LMNTD1: variants seen among roughly 807,000 people sequenced by gnomAD.
LMNTD1 encodes lamin tail domain containing 1.
LMNTD1 carries 35 observed loss-of-function variants against 50.9 expected under a neutral mutation model. The observed-to-expected ratio is 0.69, with a 90% confidence interval of 0.53 to 0.91. The LOEUF is 0.91. Among genes scored for constraint, LMNTD1 ranks in the 40% least tolerant of loss-of-function variants. The pLI is 0.00. For synonymous variants in LMNTD1, 153 were observed against 161.9 expected, an observed-to-expected ratio of 0.94 and a Z score of 0.42; for missense variants, 470 against 475.5, an observed-to-expected ratio of 0.99 and a Z score of 0.11.
At position 25,514,980 on chromosome 12, in the gene LMNTD1, C is replaced by T. The variant is rs139701583; in HGVS notation, c.1189+3815G>A. On this transcript the variant is annotated intron_variant, in intron 8 of 9. Coordinates refer to ENST00000458174, the MANE Select transcript of LMNTD1 (RefSeq NM_001145728.2). ...GGTGGGAGTATAAATTAGCAAAATT[C>T]TTCCTAGAGCAGTTGAGCAAAATCT... Among the ~76,000 whole-genome samples the T allele has an allele frequency of 1.7e-3, 257 of 152,118 alleles. 2 individuals are homozygous for T. In the East Asian group the frequency reaches 0.026, roughly 15 times the overall value.
chr12:25,549,683 A>G (rs1327710758), intron 2 of LMNTD1, 137 bp from the exon 3 acceptor site: 1 of 439,456 alleles, frequency 2.3e-6, no homozygotes, highest in African/African-American at 2.0e-5. Context: ...GCACAATAAC[A>G]TCTTGTATTT....
At chr12:25,527,709 C>CATAT (rs1315671823) in intron 4 of LMNTD1, among the ~76,000 whole-genome samples, 39 of 124,306 alleles carry the variant, frequency 3.1e-4, no homozygotes, top group African/African-American at 8.9e-4. Context: ...CACACACACA[C>CATAT]ACACACACAC....
At chr12:25,574,411 C>T (rs545438030) in intron 1 of LMNTD1, among the ~76,000 whole-genome samples, 3 of 152,192 alleles carry the variant, frequency 2.0e-5, no homozygotes, top group South Asian at 2.1e-4. Context: ...TTTCCCACAC[C>T]GCTTCTGACT....
chr12:25,532,053 T>G (rs979018880), intron 4 of LMNTD1, among the ~76,000 whole-genome samples: 1 of 152,096 alleles, frequency 6.6e-6, no homozygotes, highest in Non-Finnish European at 1.5e-5. Flanking sequence ...ATTGTTAGTT[T>G]GAAATCCTGG....
At chr12:25,561,338 T>C (rs1003879871) in intron 1 of LMNTD1, among the ~76,000 whole-genome samples, 2 of 152,270 alleles carry the variant, frequency 1.3e-5, no homozygotes, top group African/African-American at 4.8e-5. Flanking sequence ...TTCTGGTTCA[T>C]TGTGTCTTTG....
intron 4 of LMNTD1, among the ~76,000 whole-genome samples, chr12:25,534,901 A>G (rs1942476212): frequency 6.6e-6 from 1 of 152,224 alleles, no homozygotes; most frequent in African/African-American, 2.4e-5. Context: ...AAGTAACTTA[A>G]GTGGGTCCCA....
At chr12:25,538,660 A>G (rs1444841552) in intron 4 of LMNTD1, among the ~76,000 whole-genome samples, 1 of 125,300 alleles carries the variant, frequency 8.0e-6, no homozygotes. Flanking sequence ...AAGAAACTAC[A>G]TCAACTAACG....
chr12:25,579,245 G>A (rs1258758779), intron 1 of LMNTD1, among the ~76,000 whole-genome samples: 1 of 152,080 alleles, frequency 6.6e-6, no homozygotes, highest in Non-Finnish European at 1.5e-5. Context: ...AAAATGAATA[G>A]TTGCATCTGT....
chr12:25,597,957 T>A (rs555915467), intron 1 of LMNTD1, among the ~76,000 whole-genome samples: 3 of 152,066 alleles, frequency 2.0e-5, no homozygotes, highest in African/African-American at 7.2e-5. Flanking sequence ...TGGGAAGTAA[T>A]TGAATCATGG....
intron 1 of LMNTD1, among the ~76,000 whole-genome samples, chr12:25,609,628 G>A (rs1399384713): frequency 6.6e-6 from 1 of 152,214 alleles, no homozygotes; most frequent in African/African-American, 2.4e-5. Flanking sequence ...TCCAGACCCT[G>A]TTTGCCTGGG....
chr12:25,609,118 A>G (rs150602145), intron 1 of LMNTD1, among the ~76,000 whole-genome samples: 5 of 152,244 alleles, frequency 3.3e-5, no homozygotes, highest in African/African-American at 1.2e-4. Context: ...TGAATCGGCT[A>G]CTGAAGCTTG....
intron 4 of LMNTD1, among the ~76,000 whole-genome samples, chr12:25,532,659 C>T (rs970495795): frequency 6.6e-6 from 1 of 152,094 alleles, no homozygotes; most frequent in Non-Finnish European, 1.5e-5. Context: ...AGTGGTCTCA[C>T]CTACATTGTA....
At chr12:25,536,449 C>T (rs2136152127) in intron 4 of LMNTD1, among the ~76,000 whole-genome samples, 1 of 152,232 alleles carries the variant, frequency 6.6e-6, no homozygotes, top group East Asian at 1.9e-4. Context: ...ACTGAAAAAT[C>T]TGTAAAACAC....
intron 1 of LMNTD1, among the ~76,000 whole-genome samples, chr12:25,627,085 A>G (rs564026199): frequency 2.6e-5 from 4 of 152,038 alleles, no homozygotes; most frequent in Non-Finnish European, 5.9e-5. Flanking sequence ...TTTTCTCCCA[A>G]CTCTCTGAGC....
At chr12:25,587,886 C>G (rs926695721) in intron 1 of LMNTD1, among the ~76,000 whole-genome samples, 3 of 152,110 alleles carry the variant, frequency 2.0e-5, no homozygotes, top group African/African-American at 7.2e-5. Flanking sequence ...AATATCAGTA[C>G]ATTTTTTAAA....
chr12:25,539,116 T>A (rs1942854586), intron 4 of LMNTD1, among the ~76,000 whole-genome samples: 1 of 147,806 alleles, frequency 6.8e-6, no homozygotes, highest in South Asian at 2.2e-4. Flanking sequence ...CTCCCACACA[T>A]TAATAATGGG....
intron 1 of LMNTD1, among the ~76,000 whole-genome samples, chr12:25,560,085 G>A (rs1944234286): frequency 6.6e-6 from 1 of 152,142 alleles, no homozygotes; most frequent in Non-Finnish European, 1.5e-5. Flanking sequence ...TGTTGCCATT[G>A]CTTTTGGTGT....
chr12:25,483,675 G>A (rs765061478), intron 9 of LMNTD1, among the ~76,000 whole-genome samples: 4 of 151,702 alleles, frequency 2.6e-5, no homozygotes, highest in African/African-American at 4.9e-5. Context: ...AAGAGGCTGA[G>A]GTTGAAGCAT....
rs376077561 is a variant in LMNTD1 at position 25,587,520 on chromosome 12, C to G, written c.59-40966G>C. Among the ~76,000 whole-genome samples the G allele has an allele frequency of 2.9e-5, 4 of 139,134 alleles. No homozygotes were observed. The East Asian group carries it at 6.6e-4, about 23-fold the overall frequency. 91.3% of individuals were successfully genotyped at this position (139,134 alleles called of 152,430 possible). A position where few individuals can be genotyped will look rare whatever the true frequency, so the allele number is the denominator to read the frequency against. On this transcript the variant is annotated intron_variant, in intron 1 of 7. Coordinates refer to the LMNTD1 transcript ENST00000445693. ...CAGATCTTGTGAGAACTCACTCACT[C>G]TTGTGAGGACTCACTCAATCTTGTG...
Sources: allele counts gnomAD v4.1 joint callset (sites outside exome capture counted in the v4.1 genomes callset), GRCh38; gene constraint gnomAD v4.1.1; transcripts MANE v1.5; gene names NCBI Gene and HGNC (gene_info 2026-07-23, HGNC 2026-07-21).